Variants in PLA2G4B observed in about 807,000 individuals in gnomAD.
The protein encoded by PLA2G4B is cytosolic phospholipase A2 beta.
PLA2G4B carries 122 observed loss-of-function variants against 95.8 expected under a neutral mutation model. The ratio of observed to expected loss-of-function variants is 1.27; its 90% CI spans 1.10 to 1.48. The LOEUF is 1.48. PLA2G4B is among the 40% of genes most tolerant of loss of function. The pLI is 0.00. For missense variants in PLA2G4B, 1,158 were observed against 996.2 expected (o/e 1.16, Z -2.19); for synonymous variants, 518 against 421.5 (o/e 1.23, Z -2.80).
chr15:41,843,113 C>T (rs1255758233), intron 10 of PLA2G4B: 1 of 127,350 alleles, frequency 7.9e-6, no homozygotes, highest in South Asian at 2.7e-4. Flanking sequence ...TGGAGTCTCT[C>T]TCTGTCGCCC....
chr15:41,840,014 T>C lies in PLA2G4B; in HGVS notation c.10-144T>C, dbSNP rs1279117776. On this transcript the variant is annotated intron_variant, in intron 1 of 19. Transcript: ENST00000458483. ...ATGATGGAGATATCATGTCTCCTCT[T>C]GTTGATTCAGGATTCTGATGAGATG... is the stretch of plus-strand genomic sequence containing the variant. 2.9e-5 allele frequency: 26 copies of C among 899,628 alleles called. 2 individuals are homozygous for C. In the South Asian group the frequency reaches 4.4e-4, roughly 15 times the overall value. 55.7% of individuals were successfully genotyped at this position (899,628 alleles called of 1,614,324 possible).
At position 41,844,622 on chromosome 15, in the gene PLA2G4B, G is replaced by C; in HGVS notation, c.1016+15G>C. On this transcript the variant is annotated intron_variant, in intron 12 of 19. Coordinates refer to ENST00000458483, the MANE Select transcript of PLA2G4B (RefSeq NM_001114633.2). ...GGCTCCACCTGGTGAGCTGGGGGCA[G>C]GCTGATGCTGGACCCTGTGTGGCAG... 1 of 1,613,940 alleles carries C rather than the reference G, an allele frequency of 6.2e-7. No homozygotes were observed. Among genetic ancestry groups the C allele is most frequent in the Non-Finnish European group, 8.5e-7 (1 of 1,180,022 alleles).
At chr15:41,842,917 G>A (rs939113462) in intron 10 of PLA2G4B, 2 of 344,350 alleles carry the variant, frequency 5.8e-6, no homozygotes, top group Admixed American at 4.7e-5. Flanking sequence ...GAAAACCAAG[G>A]GAGAGAAGAG....
intron 10 of PLA2G4B, among the ~76,000 whole-genome samples, chr15:41,843,379 A>AG (rs150019159): frequency 0.019 from 2,859 of 151,318 alleles, 87 homozygotes; most frequent in African/African-American, 0.067. Flanking sequence ...CGAGACTTGG[A>AG]GGGGGGGGAT....
chr15:41,847,574 C>T (rs1555458843), intron 19 of PLA2G4B, 51 bp downstream of exon 19: 5 of 1,607,994 alleles, frequency 3.1e-6, no homozygotes, highest in Admixed American at 1.7e-5. Flanking sequence ...CCCACACCTC[C>T]TCCGTCCCCT....
intron 16 of PLA2G4B, 25 bp from the exon 17 acceptor site, chr15:41,846,178 C>T: frequency 6.2e-7 from 1 of 1,603,658 alleles, no homozygotes; most frequent in African/African-American, 1.3e-5. Flanking sequence ...CAGGAGTCCC[C>T]ATTTCCCCCA....
chr15:41,838,992 T>A, intron 1 of PLA2G4B, 70 bp downstream of exon 1: 1 of 1,291,002 alleles, frequency 7.7e-7, no homozygotes, highest in Non-Finnish European at 1.1e-6. Flanking sequence ...GTTAATATGT[T>A]TCTTATGGGA....
At position 41,845,678 on chromosome 15, in the gene PLA2G4B, G is replaced by A. The variant is rs1172226769; in HGVS notation, c.1398G>A (p.Lys466=). ...EFSPYEVGFP[K]YGAFIPSELF... ...CTCCCTACGAGGTCGGCTTCCCCAAGTACGGGGCCTTCATCCCCTCTGAGC... is the reference window on the plus strand; with the variant it reads ...CTCCCTACGAGGTCGGCTTCCCCAAATACGGGGCCTTCATCCCCTCTGAGC... Residue 466 remains lysine, a synonymous_variant, in exon 15 of 20, where the codon AAG becomes AAA. Coordinates refer to ENST00000458483, the MANE Select transcript of PLA2G4B (RefSeq NM_001114633.2). 5 of 1,614,152 alleles carry A rather than the reference G, an allele frequency of 3.1e-6. No homozygotes were observed. In the South Asian group the frequency reaches 4.4e-5, roughly 14 times the overall value.
chr15:41,845,555 CT>C, intron 14 of PLA2G4B, 82 bp from the exon 15 acceptor site: 1 of 1,573,762 alleles, frequency 6.4e-7, no homozygotes, highest in Non-Finnish European at 8.6e-7. Flanking sequence ...CTCAGCTGCC[CT>C]AAAGCAAAAC....
intron 1 of PLA2G4B, 110 bp from the exon 2 acceptor site, chr15:41,840,048 G>T (rs2065395460): frequency 8.2e-7 from 1 of 1,213,026 alleles, no homozygotes; most frequent in South Asian, 1.5e-5. Context: ...TGGAGGATGG[G>T]CCTGGGGTTC....
chr15:41,845,370 G>T, intron 14 of PLA2G4B, 50 bp downstream of exon 14: 1 of 1,593,066 alleles, frequency 6.3e-7, no homozygotes. Flanking sequence ...GGTGGAATAA[G>T]GGGAGAACGA....
At chr15:41,840,087 C>T (rs1045967111) in intron 1 of PLA2G4B, 71 bp from the exon 2 acceptor site, 3 of 1,560,554 alleles carry the variant, frequency 1.9e-6, no homozygotes, top group Non-Finnish European at 2.6e-6. Flanking sequence ...ACTGCTCCAG[C>T]CTCCTTTGTG....
rs772094127 is a variant in PLA2G4B at position 41,845,229 on chromosome 15, A to T, written c.1266A>T (p.Gln422His). 6.2e-7 allele frequency: 1 copy of T among 1,614,198 alleles called. No individual in the cohort carries two copies. The highest frequency in any genetic ancestry group is 1.7e-5 in the Admixed American group (1 of 60,020). The change falls in exon 14 of 20, where the codon CAA (glutamine) becomes CAT (histidine). Residue 422 changes from glutamine to histidine, a missense_variant. Coordinates refer to ENST00000458483, the MANE Select transcript of PLA2G4B (RefSeq NM_001114633.2). ...DEPHDHKLSD[Q>H]REALSHGQNP... is the part of the protein sequence containing the mutation. ...CCCATGATCACAAGCTCTCAGATCAACGGGAGGCCCTGAGTCATGGCCAGA... is the reference window on the plus strand; with the variant it reads ...CCCATGATCACAAGCTCTCAGATCATCGGGAGGCCCTGAGTCATGGCCAGA...
At position 41,846,761 on chromosome 15, in the gene PLA2G4B, C is replaced by T; in HGVS notation, c.1873C>T (p.Leu625=). The T allele has an allele frequency of 6.2e-7, 1 of 1,614,064 alleles. No homozygotes were observed. The highest frequency in any genetic ancestry group is 8.5e-7 in the Non-Finnish European group (1 of 1,179,978). ...TGGCTACCTCATCAATACCAGCTGC[C>T]TGCCCCTCCTGCAGCCCACTCGGGA... ...DVGYLINTSC[L]PLLQPTRDVD... The change falls in exon 18 of 20, where the codon CTG becomes TTG. Residue 625 remains leucine, a synonymous_variant. Transcript: ENST00000458483.
chr15:41,843,593 G>T, intron 10 of PLA2G4B, 83 bp from the exon 11 acceptor site: 1 of 1,561,016 alleles, frequency 6.4e-7, no homozygotes, highest in African/African-American at 1.4e-5. Flanking sequence ...AGGGCAGTAG[G>T]TATTACAGGT....
At chr15:41,845,885 G>C in intron 15 of PLA2G4B, 58 bp from the exon 16 acceptor site, 1 of 1,517,754 alleles carries the variant, frequency 6.6e-7, no homozygotes, top group Non-Finnish European at 8.8e-7. Context: ...TGGCCATGGG[G>C]AAGGGTAGGA....
intron 14 of PLA2G4B, 153 bp downstream of exon 14, chr15:41,845,473 C>A: frequency 2.8e-6 from 4 of 1,452,414 alleles, no homozygotes; most frequent in South Asian, 2.7e-5. Flanking sequence ...GTCCCTCAGC[C>A]CTTTGGGAAG....
At chr15:41,844,645 C>G (rs1567171405) in intron 12 of PLA2G4B, 38 bp downstream of exon 12, 1 of 1,613,074 alleles carries the variant, frequency 6.2e-7, no homozygotes, top group Admixed American at 1.7e-5. Context: ...CCCTGTGTGG[C>G]AGGGGGTGCT....
chr15:41,845,543 T>G (rs2065523344), intron 14 of PLA2G4B, 95 bp from the exon 15 acceptor site: 4 of 1,549,184 alleles, frequency 2.6e-6, no homozygotes, highest in African/African-American at 1.4e-5. Flanking sequence ...GGCCTCCTGG[T>G]CCTCAGCTGC....
Sources: allele counts gnomAD v4.1 joint callset (sites outside exome capture counted in the v4.1 genomes callset), GRCh38; gene constraint gnomAD v4.1.1; transcripts MANE v1.5; gene names NCBI Gene and HGNC (gene_info 2026-07-23, HGNC 2026-07-21).